The following PSD3 variants were observed in gnomAD, a reference collection of about 807,000 sequenced individuals.
PSD3 encodes the protein pleckstrin and Sec7 domain containing 3.
PSD3 carries 49 observed loss-of-function variants against 105.5 expected under a neutral mutation model. The observed-to-expected ratio is 0.46, with a 90% CI of 0.37 to 0.59. The LOEUF is 0.59. PSD3 is among the 20% of genes least tolerant of loss of function. The pLI is 0.00. For synonymous variants in PSD3, 557 were observed against 457.8 expected (o/e 1.22, Z -2.77); for missense variants, 1,561 against 1,263.8 (o/e 1.24, Z -3.57).
chr8:18,730,836 A>C (rs10112395), intron 9 of PSD3, among the ~76,000 whole-genome samples: 1 of 152,056 alleles, frequency 6.6e-6, no homozygotes, highest in Admixed American at 6.6e-5. Flanking sequence ...GTGTGTACTT[A>C]AAATATATGA....
intron 1 of PSD3, among the ~76,000 whole-genome samples, chr8:19,073,020 G>A (rs1243178417): frequency 3.3e-5 from 5 of 152,150 alleles, no homozygotes; most frequent in Non-Finnish European, 1.5e-5. Flanking sequence ...TTTGGGGCTA[G>A]ATTTTATTAA....
At chr8:18,860,821 A>G (rs1467311331) in intron 4 of PSD3, among the ~76,000 whole-genome samples, 1 of 152,190 alleles carries the variant, frequency 6.6e-6, no homozygotes, top group African/African-American at 2.4e-5. Flanking sequence ...ATCTCGATCA[A>G]TTAAAGTATT....
intron 2 of PSD3, among the ~76,000 whole-genome samples, chr8:18,892,260 G>GGA (rs1818839923): frequency 1.4e-5 from 2 of 147,538 alleles, no homozygotes; most frequent in Non-Finnish European, 3.0e-5. Context: ...GTCTCGCTCT[G>GGA]TTGCCCAGGC....
intron 1 of PSD3, among the ~76,000 whole-genome samples, chr8:19,079,070 C>G (rs79808193): frequency 0.026 from 3,991 of 151,994 alleles, 197 homozygotes; most frequent in African/African-American, 0.09. Context: ...GCTAAACTTC[C>G]AGGAGGATTG....
chr8:18,927,304 C>T (rs984425729), intron 2 of PSD3, among the ~76,000 whole-genome samples: 3 of 152,208 alleles, frequency 2.0e-5, no homozygotes, highest in African/African-American at 7.2e-5. Flanking sequence ...ACCTCTGCCT[C>T]CAGGGTTCAA....
chr8:18,600,528 C>T (rs563226243), intron 11 of PSD3, 94 bp from the exon 12 acceptor site: 836 of 1,002,150 alleles, frequency 8.3e-4, no homozygotes, highest in Non-Finnish European at 1.1e-3. Flanking sequence ...TTTCAATATT[C>T]TACCTAGCTA....
chr8:18,765,725 G>C (rs1038133022), intron 8 of PSD3, among the ~76,000 whole-genome samples, 187 bp from the exon 9 acceptor site: 2 of 152,130 alleles, frequency 1.3e-5, no homozygotes, highest in Non-Finnish European at 2.9e-5. Flanking sequence ...AGGAGATAGA[G>C]ACCATCCTGG....
At chr8:18,552,780 G>A (rs1453843106) in intron 15 of PSD3, among the ~76,000 whole-genome samples, 1 of 152,184 alleles carries the variant, frequency 6.6e-6, no homozygotes, top group East Asian at 1.9e-4. Flanking sequence ...TCTTTTAGAA[G>A]TAAGATTAGA....
chr8:18,625,958 T>A (rs1201328428), intron 11 of PSD3, among the ~76,000 whole-genome samples: 1 of 152,138 alleles, frequency 6.6e-6, no homozygotes, highest in African/African-American at 2.4e-5. Flanking sequence ...CACAAGTATG[T>A]TACATCATAT....
intron 9 of PSD3, among the ~76,000 whole-genome samples, chr8:18,752,226 T>C (rs754644765): frequency 2.0e-5 from 3 of 151,108 alleles, no homozygotes; most frequent in Non-Finnish European, 4.4e-5. Flanking sequence ...CAATTCTACA[T>C]ACAATATCAA....
intron 2 of PSD3, among the ~76,000 whole-genome samples, chr8:18,905,573 C>T (rs1319502257): frequency 2.0e-5 from 3 of 152,306 alleles, no homozygotes; most frequent in East Asian, 1.9e-4. Flanking sequence ...CCACCCACCT[C>T]GGCCTCCCAA....
intron 1 of PSD3, among the ~76,000 whole-genome samples, chr8:19,034,756 C>G (rs967269627): frequency 6.6e-6 from 1 of 152,148 alleles, no homozygotes; most frequent in African/African-American, 2.4e-5. Context: ...CGCTGAATCA[C>G]ACTTGCCTCC....
At chr8:18,990,976 TA>T (rs886812548) in intron 1 of PSD3, among the ~76,000 whole-genome samples, 1 of 152,046 alleles carries the variant, frequency 6.6e-6, no homozygotes, top group Non-Finnish European at 1.5e-5. Context: ...TCTCTCCTAT[TA>T]ACCCAGATAA....
At chr8:18,539,467 G>A (rs958856284) in intron 15 of PSD3, among the ~76,000 whole-genome samples, 2 of 151,798 alleles carry the variant, frequency 1.3e-5, no homozygotes, top group Non-Finnish European at 2.9e-5. Context: ...TCCTAAGACC[G>A]ATTGTGAAAT....
chr8:18,611,690 A>G (rs1238757510), intron 11 of PSD3, among the ~76,000 whole-genome samples: 1 of 152,100 alleles, frequency 6.6e-6, no homozygotes, highest in Admixed American at 6.5e-5. Flanking sequence ...TGTGAAAATA[A>G]GCTGTGAAAA....
rs549862556 is a variant in PSD3, at chr8:18,977,132, T to C, written c.21+36431A>G. Among the ~76,000 whole-genome samples the C allele has an allele frequency of 1.5e-4, 23 of 152,070 alleles. No individual in the cohort carries two copies. In the South Asian group the frequency reaches 4.8e-3, roughly 32 times the overall value. ...AAAATTAGCCAGGTGTGCTGGTACA[T>C]GCCTGTAATCCCAGCTACTTGGGAG... On this transcript the variant is annotated intron_variant, in intron 1 of 15. Coordinates refer to ENST00000327040, the MANE Select transcript of PSD3 (RefSeq NM_015310.4).
intron 1 of PSD3, among the ~76,000 whole-genome samples, chr8:19,005,029 C>T (rs545192791): frequency 4.6e-5 from 7 of 151,940 alleles, no homozygotes; most frequent in Non-Finnish European, 7.4e-5. Flanking sequence ...TGAAAATGGA[C>T]GAATACGAGC....
At chr8:18,580,717 C>A (rs193168722) in intron 12 of PSD3, among the ~76,000 whole-genome samples, 1 of 152,068 alleles carries the variant, frequency 6.6e-6, no homozygotes, top group Non-Finnish European at 1.5e-5. Flanking sequence ...TTTTAGATAA[C>A]GAACTGATTT....
chr8:18,831,333 C>T (rs922259808), intron 4 of PSD3, among the ~76,000 whole-genome samples: 3 of 152,224 alleles, frequency 2.0e-5, no homozygotes, highest in African/African-American at 7.2e-5. Flanking sequence ...GCAGTCTCAA[C>T]TTGCTTAATT....
Sources: gnomAD v4.1 joint callset for allele counts (sites outside exome capture counted in the v4.1 genomes callset) on GRCh38, gnomAD v4.1.1 for gene constraint, MANE v1.5 for transcripts, NCBI Gene and HGNC (gene_info 2026-07-23, HGNC 2026-07-21) for gene names.